The following ZFHX3 variants were observed in gnomAD, a reference collection of about 807,000 sequenced individuals.
ZFHX3 encodes the protein zinc finger homeobox protein 3.
ZFHX3 carries 42 observed loss-of-function variants against 279.1 expected under a neutral mutation model. The ratio of observed to expected loss-of-function variants is 0.15; its 90% CI spans 0.12 to 0.19. ZFHX3 has a LOEUF of 0.19. ZFHX3 is among the 10% of genes least tolerant of loss of function. The probability of loss-of-function intolerance (pLI) is 1.00; values close to 1 mark genes in which losing one functional copy is unlikely to be tolerated. For missense variants in ZFHX3, 4,981 were observed against 4,754.0 expected (o/e 1.05, Z -1.40); for synonymous variants, 2,293 against 1,957.8 (o/e 1.17, Z -4.52).
At chr16:72,974,144 G>C (rs922847412) in intron 1 of ZFHX3, among the ~76,000 whole-genome samples, 4 of 152,214 alleles carry the variant, frequency 2.6e-5, no homozygotes, top group African/African-American at 9.6e-5. Flanking sequence ...TTTGGGGAAT[G>C]CAGGCAGAAG....
chr16:73,261,938 G>C (rs2013839345), intron 4 of ZFHX3, among the ~76,000 whole-genome samples: 1 of 152,140 alleles, frequency 6.6e-6, no homozygotes, highest in South Asian at 2.1e-4. Flanking sequence ...GTCTCCCAAA[G>C]TGCTGGGATT....
intron 2 of ZFHX3, among the ~76,000 whole-genome samples, chr16:73,462,935 T>C (rs2018497108): frequency 6.6e-6 from 1 of 152,196 alleles, no homozygotes; most frequent in Non-Finnish European, 1.5e-5. Context: ...ATAAAATGAA[T>C]TGGAAAGTGC....
chr16:73,793,793 A>C (rs567050092), intron 1 of ZFHX3, among the ~76,000 whole-genome samples: 1 of 152,262 alleles, frequency 6.6e-6, no homozygotes, highest in East Asian at 1.9e-4. Flanking sequence ...TTCAAATGTT[A>C]TTTCTCATTC....
chr16:73,030,059 A>G (rs890018783), intron 1 of ZFHX3, among the ~76,000 whole-genome samples: 1 of 152,026 alleles, frequency 6.6e-6, no homozygotes, highest in Admixed American at 6.6e-5. Context: ...TAATCCAAAC[A>G]CCCATTCTCC....
chr16:72,824,128 A>T (rs1184147569), intron 5 of ZFHX3, among the ~76,000 whole-genome samples: 1 of 152,106 alleles, frequency 6.6e-6, no homozygotes, highest in African/African-American at 2.4e-5. Flanking sequence ...CTTTTTTTCA[A>T]CCTCAGTAAT....
intron 4 of ZFHX3, among the ~76,000 whole-genome samples, chr16:73,311,896 T>C (rs1294063999): frequency 6.6e-6 from 1 of 152,050 alleles, no homozygotes; most frequent in Non-Finnish European, 1.5e-5. Flanking sequence ...GTAAAAAGGG[T>C]GTGAGTCAAT....
chr16:73,581,121 T>G (rs2051856736), intron 2 of ZFHX3, among the ~76,000 whole-genome samples: 1 of 151,820 alleles, frequency 6.6e-6, no homozygotes, highest in Admixed American at 6.6e-5. Context: ...GTTCTTTATT[T>G]TCTCAATTTT....
At chr16:73,143,699 C>T (rs1034330416) in intron 6 of ZFHX3, 1 of 1,252,814 alleles carries the variant, frequency 8.0e-7, no homozygotes, top group African/African-American at 1.5e-5. Context: ...ACTGCGTTAA[C>T]TCACCTGGTA....
At chr16:73,582,896 G>T (rs1237156818) in intron 2 of ZFHX3, among the ~76,000 whole-genome samples, 1 of 150,000 alleles carries the variant, frequency 6.7e-6, no homozygotes, top group Non-Finnish European at 1.5e-5. Context: ...TCAGATTTGG[G>T]AGTCTGTTCC....
intron 5 of ZFHX3, among the ~76,000 whole-genome samples, chr16:72,820,370 G>A (rs1305689917): frequency 6.6e-6 from 1 of 152,186 alleles, no homozygotes; most frequent in Non-Finnish European, 1.5e-5. Flanking sequence ...TTCCCAAAAG[G>A]CCATTCCACA....
chr16:73,609,938 C>T (rs1029608938), intron 2 of ZFHX3: 14 of 152,014 alleles, frequency 9.2e-5, no homozygotes, highest in African/African-American at 2.9e-4. Context: ...TTTGTAAATA[C>T]ATATTTAGAC....
intron 1 of ZFHX3, among the ~76,000 whole-genome samples, chr16:73,799,450 T>C (rs910594924): frequency 3.9e-5 from 6 of 152,100 alleles, no homozygotes; most frequent in African/African-American, 1.4e-4. Context: ...GCAGGTTTCT[T>C]TGGCCTTCCC....
At position 73,664,370 on chromosome 16, in the gene ZFHX3, G is replaced by A. The variant is rs376072953; in HGVS notation, c.-1547+15810C>T. 2.6e-4 allele frequency among the ~76,000 whole-genome samples: 40 copies of A among 152,124 alleles called. 1 individual carries two copies. Among genetic ancestry groups the A allele is most frequent in the African/African-American group, 2.7e-4 (11 of 41,420 alleles). ...TGCATCAATATCTAATACAAAAATCGAAGATGGCTTAAGGTTAAAGGATGC... is the reference window on the plus strand; with the variant it reads ...TGCATCAATATCTAATACAAAAATCAAAGATGGCTTAAGGTTAAAGGATGC... On this transcript the variant is annotated intron_variant, in intron 2 of 17. Transcript: ENST00000641206.
At chr16:73,162,954 T>C (rs1319562078) in intron 5 of ZFHX3, among the ~76,000 whole-genome samples, 2 of 152,206 alleles carry the variant, frequency 1.3e-5, no homozygotes, top group Admixed American at 6.5e-5. Context: ...TGGTCTTATA[T>C]GGCATGATTC....
At chr16:72,930,233 T>C (rs1438336452) in intron 3 of ZFHX3, among the ~76,000 whole-genome samples, 4 of 151,878 alleles carry the variant, frequency 2.6e-5, no homozygotes, top group Admixed American at 6.6e-5. Context: ...GATAAATAAA[T>C]AAAATAAAAT....
chr16:73,661,627 C>T (rs1157917146), intron 2 of ZFHX3, among the ~76,000 whole-genome samples: 2 of 149,750 alleles, frequency 1.3e-5, no homozygotes, highest in Non-Finnish European at 2.9e-5. Flanking sequence ...GAGGCTGAGG[C>T]AGGAGAATCA....
chr16:72,985,605 A>G (rs962525763), intron 1 of ZFHX3, among the ~76,000 whole-genome samples: 4 of 152,214 alleles, frequency 2.6e-5, no homozygotes, highest in African/African-American at 7.2e-5. Context: ...TCCCACTGCT[A>G]TAATTGTTTT....
chr16:73,212,841 G>A (rs2012068594), intron 5 of ZFHX3, among the ~76,000 whole-genome samples: 1 of 152,134 alleles, frequency 6.6e-6, no homozygotes. Context: ...GGGGATCTTG[G>A]GTAAGTGACT....
chr16:72,812,094 G>A, intron 5 of ZFHX3, 56 bp from the exon 6 acceptor site: 1 of 1,575,536 alleles, frequency 6.3e-7, no homozygotes, highest in South Asian at 1.2e-5. Flanking sequence ...AGCTCCCAGA[G>A]GGTTTGTGTT....
Sources: gnomAD v4.1 joint callset for allele counts (sites outside exome capture counted in the v4.1 genomes callset) on GRCh38, gnomAD v4.1.1 for gene constraint, MANE v1.5 for transcripts, NCBI Gene and HGNC (gene_info 2026-07-23, HGNC 2026-07-21) for gene names.